The following TENM3 variants were observed in gnomAD, a reference collection of about 807,000 sequenced individuals.
TENM3 encodes the protein teneurin-3.
In TENM3, 63 loss-of-function variants were observed where a neutral mutation model predicts 255.1. That is an observed-to-expected ratio of 0.25 (90% CI 0.20 to 0.30). The LOEUF is 0.30. TENM3 is among the 10% of genes least tolerant of loss of function. TENM3 has a pLI of 1.00. For synonymous variants in TENM3, 1,306 were observed against 1,322.3 expected (o/e 0.99, Z 0.27); for missense variants, 2,929 against 3,461.1 (o/e 0.85, Z 3.86).
At chr4:181,685,566 A>G in the TENM3 span, among the ~76,000 whole-genome samples, 29 of 152,212 alleles carry the variant, frequency 1.9e-4, no homozygotes, top group Admixed American at 1.9e-3. Flanking sequence ...CCTCAACAAG[A>G]TGGCTAGGAG....
At chr4:181,652,560 T>G in the TENM3 span, among the ~76,000 whole-genome samples, 1 of 152,208 alleles carries the variant, frequency 6.6e-6, no homozygotes, top group African/African-American at 2.4e-5. Context: ...GAAACAGCAT[T>G]AATCCCACGT....
chr4:181,630,084 G>T, the TENM3 span, among the ~76,000 whole-genome samples: 1 of 152,286 alleles, frequency 6.6e-6, no homozygotes, highest in Admixed American at 6.5e-5. Context: ...ATGTGTCGAG[G>T]AATTTATCCA....
intron 3 of TENM3, among the ~76,000 whole-genome samples, chr4:182,493,247 G>A (rs1379527347): frequency 6.6e-6 from 1 of 152,122 alleles, no homozygotes; most frequent in Non-Finnish European, 1.5e-5. Flanking sequence ...GTGCATATAT[G>A]TAGCATGGGC....
the TENM3 span, among the ~76,000 whole-genome samples, chr4:181,527,708 T>A: frequency 6.6e-6 from 1 of 151,750 alleles, no homozygotes; most frequent in Non-Finnish European, 1.5e-5. Context: ...TATATGAAAG[T>A]GTGTATTCAT....
At chr4:181,712,415 C>T in the TENM3 span, among the ~76,000 whole-genome samples, 1 of 152,082 alleles carries the variant, frequency 6.6e-6, no homozygotes, top group African/African-American at 2.4e-5. Flanking sequence ...TCACTCCTGC[C>T]GTTTGAGAGG....
the TENM3 span, among the ~76,000 whole-genome samples, chr4:181,553,652 A>G: frequency 3.3e-5 from 5 of 152,028 alleles, no homozygotes; most frequent in South Asian, 6.2e-4. Flanking sequence ...CGTGTTAGCC[A>G]GGATGGTCTC....
chr4:181,981,982 G>A, the TENM3 span, among the ~76,000 whole-genome samples: 8 of 152,090 alleles, frequency 5.3e-5, no homozygotes, highest in Admixed American at 3.9e-4. Flanking sequence ...GGTGGTATAC[G>A]TGGGAAGTGA....
chr4:182,411,236 T>C (rs570762488), intron 3 of TENM3, among the ~76,000 whole-genome samples: 1 of 152,240 alleles, frequency 6.6e-6, no homozygotes, highest in Non-Finnish European at 1.5e-5. Flanking sequence ...ACACAGAAAG[T>C]AATTTCTTGA....
At chr4:182,598,847 A>C (rs544250161) in intron 3 of TENM3, among the ~76,000 whole-genome samples, 1 of 152,360 alleles carries the variant, frequency 6.6e-6, no homozygotes, top group Non-Finnish European at 1.5e-5. Context: ...GCTTACTATC[A>C]TGATGTCTGA....
chr4:182,234,158 AC>A (rs1756747203), intron 1 of TENM3, among the ~76,000 whole-genome samples: 1 of 151,934 alleles, frequency 6.6e-6, no homozygotes. Context: ...CACGTTAACA[AC>A]CCTTGGATTG....
chr4:181,541,311 A>C, the TENM3 span, among the ~76,000 whole-genome samples: 1 of 151,988 alleles, frequency 6.6e-6, no homozygotes, highest in African/African-American at 2.4e-5. Context: ...TGAGCCTAGG[A>C]AGGTTGAGGC....
the TENM3 span, among the ~76,000 whole-genome samples, chr4:181,553,339 C>T: frequency 0.36 from 51,568 of 143,206 alleles, 9,482 homozygotes; most frequent in Non-Finnish European, 0.42. Flanking sequence ...TATATATACA[C>T]ACACACACAC....
chr4:182,439,425 A>G (rs1387504126), intron 3 of TENM3, among the ~76,000 whole-genome samples: 1 of 152,222 alleles, frequency 6.6e-6, no homozygotes, highest in Admixed American at 6.5e-5. Context: ...AAGAATTTGT[A>G]TATTTTTTCC....
chr4:181,906,604 C>T, the TENM3 span: 3 of 152,242 alleles, frequency 2.0e-5, no homozygotes, highest in South Asian at 2.1e-4. Flanking sequence ...CTAAGTTTCT[C>T]GCTTTAACAC....
At chr4:182,264,538 A>G (rs984860968) in intron 1 of TENM3, among the ~76,000 whole-genome samples, 3 of 152,166 alleles carry the variant, frequency 2.0e-5, no homozygotes, top group African/African-American at 7.2e-5. Context: ...TCCTTCTGGG[A>G]AAAAAGACAG....
At chr4:181,488,656 T>C in the TENM3 span, among the ~76,000 whole-genome samples, 1 of 152,180 alleles carries the variant, frequency 6.6e-6, no homozygotes, top group East Asian at 1.9e-4. Flanking sequence ...ATAGAATAGA[T>C]TAAACTGGAT....
the TENM3 span, among the ~76,000 whole-genome samples, chr4:181,940,255 A>G: frequency 6.6e-6 from 1 of 152,186 alleles, no homozygotes; most frequent in Non-Finnish European, 1.5e-5. Flanking sequence ...TCATGATCTG[A>G]ACATTAAAAT....
chr4:182,167,434 G>C (rs1751794071), intron 1 of TENM3, among the ~76,000 whole-genome samples: 1 of 152,120 alleles, frequency 6.6e-6, no homozygotes, highest in Admixed American at 6.6e-5. Context: ...CCTTGCTTTA[G>C]TATATTGATT....
At chr4:181,637,654 T>A in the TENM3 span, among the ~76,000 whole-genome samples, 1 of 152,186 alleles carries the variant, frequency 6.6e-6, no homozygotes, top group Non-Finnish European at 1.5e-5. Flanking sequence ...TGCCTCCTCC[T>A]ACAATCACAG....
Sources: gnomAD v4.1 joint callset for allele counts (sites outside exome capture counted in the v4.1 genomes callset) on GRCh38, gnomAD v4.1.1 for gene constraint, MANE v1.5 for transcripts, NCBI Gene and HGNC (gene_info 2026-07-23, HGNC 2026-07-21) for gene names.